Variants in PPP1R9A observed in about 807,000 individuals in gnomAD.
PPP1R9A encodes protein phosphatase 1 regulatory subunit 9A.
PPP1R9A carries 59 observed loss-of-function variants against 141.9 expected under a neutral mutation model. The ratio of observed to expected loss-of-function variants is 0.42; its 90% CI spans 0.34 to 0.52. The LOEUF is 0.52. Ranked by LOEUF, PPP1R9A falls within the 20% of genes least tolerant of loss-of-function variation. The pLI is 0.10. For synonymous variants in PPP1R9A, 500 were observed against 569.7 expected (o/e 0.88, Z 1.74); for missense variants, 1,444 against 1,611.9 (o/e 0.90, Z 1.78).
intron 2 of PPP1R9A, among the ~76,000 whole-genome samples, chr7:95,052,274 A>G (rs1316856374): frequency 6.6e-6 from 1 of 152,214 alleles, no homozygotes; most frequent in Non-Finnish European, 1.5e-5. Flanking sequence ...GTTAATTGGT[A>G]AAAAGCAAGA....
intron 2 of PPP1R9A, among the ~76,000 whole-genome samples, chr7:95,006,188 A>G (rs1803557092): frequency 6.7e-6 from 1 of 149,976 alleles, no homozygotes; most frequent in African/African-American, 2.5e-5. Flanking sequence ...TTGAGATCTT[A>G]AGAACTTATT....
At chr7:95,173,411 T>A (rs1233213647) in intron 5 of PPP1R9A, among the ~76,000 whole-genome samples, 1 of 151,930 alleles carries the variant, frequency 6.6e-6, no homozygotes, top group African/African-American at 2.4e-5. Context: ...AATCTGCATA[T>A]ATACCCTCTA....
rs1352351772 is a variant in PPP1R9A at position 95,215,664 on chromosome 7, C to A, written c.1957-10297C>A. Among the ~76,000 whole-genome samples, 7 of 152,222 alleles carry A rather than the reference C, an allele frequency of 4.6e-5. No homozygotes were observed. The South Asian group carries it at 1.4e-3, about 32-fold the overall frequency. ...TCCTGACTTTTTAATGATCGCCATT[C>A]TAACTGGCATGAGATGGTATCTCAT... is the stretch of plus-strand genomic sequence containing the variant. On this transcript the variant is annotated intron_variant, in intron 7 of 19. Transcript: ENST00000433360.
chr7:95,079,970 CA>C (rs1815536618), intron 2 of PPP1R9A, among the ~76,000 whole-genome samples: 1 of 152,170 alleles, frequency 6.6e-6, no homozygotes, highest in Non-Finnish European at 1.5e-5. Context: ...GACAAACCCA[CA>C]GCCAATATCA....
intron 2 of PPP1R9A, among the ~76,000 whole-genome samples, chr7:95,023,588 C>G (rs961393033): frequency 6.6e-6 from 1 of 151,994 alleles, no homozygotes; most frequent in African/African-American, 2.4e-5. Context: ...GAGTCTTGCT[C>G]TGTTGCCCAG....
chr7:95,235,987 C>G (rs1796624904), intron 8 of PPP1R9A, among the ~76,000 whole-genome samples: 1 of 152,064 alleles, frequency 6.6e-6, no homozygotes, highest in African/African-American at 2.4e-5. Flanking sequence ...TTTGGAGACT[C>G]AAGTGAAAAG....
chr7:95,071,365 G>A (rs531190352), intron 2 of PPP1R9A, among the ~76,000 whole-genome samples: 22 of 152,094 alleles, frequency 1.4e-4, no homozygotes, highest in African/African-American at 5.1e-4. Context: ...TTGAGGCCAT[G>A]TAATACAGAA....
rs1326463168 is a variant in PPP1R9A at position 95,291,903 on chromosome 7, GTA to G, written c.*1602_*1603del. ...GGGAACTCCCTTGTAGCCCCATCTT[GTA>G]TTTTAATAACAGTGTGATTTTTTTT... On this transcript the variant is annotated 3_prime_UTR_variant, in exon 20 of 20. Transcript: ENST00000433360. The G allele has an allele frequency of 4.6e-5, 7 of 151,444 alleles. No individual in the cohort carries two copies. Among genetic ancestry groups the G allele is most frequent in the Admixed American group, 2.0e-4 (3 of 15,204 alleles). 9.4% of individuals were successfully genotyped at this position (151,444 alleles called of 1,614,324 possible).
intron 7 of PPP1R9A, among the ~76,000 whole-genome samples, chr7:95,219,489 G>T (rs1382502674): frequency 6.6e-6 from 1 of 152,076 alleles, no homozygotes; most frequent in Admixed American, 6.6e-5. Flanking sequence ...GGCGTTCTCT[G>T]TATTTCCTGA....
At chr7:95,032,128 C>T (rs1277480814) in intron 2 of PPP1R9A, among the ~76,000 whole-genome samples, 1 of 152,012 alleles carries the variant, frequency 6.6e-6, no homozygotes, top group Non-Finnish European at 1.5e-5. Context: ...CCAGAATTTC[C>T]TGGTTTTAGG....
intron 5 of PPP1R9A, 33 bp downstream of exon 5, chr7:95,162,004 G>T: frequency 3.0e-6 from 4 of 1,328,028 alleles, no homozygotes; most frequent in Non-Finnish European, 4.2e-6. Context: ...ACACCATGTT[G>T]TTACTTTAGT....
chr7:95,139,810 T>TAAAA (rs1177269547), intron 4 of PPP1R9A, among the ~76,000 whole-genome samples: 1 of 95,336 alleles, frequency 1.0e-5, no homozygotes, highest in Non-Finnish European at 2.3e-5. Flanking sequence ...AGCAAAACAT[T>TAAAA]AAAAAAAAAA....
rs535948713 is a variant in PPP1R9A at position 94,962,610 on chromosome 7, A to G, written c.1395+51102A>G. 6.6e-5 allele frequency among the ~76,000 whole-genome samples: 10 copies of G among 152,270 alleles called. No homozygotes were observed. In the East Asian group the frequency reaches 1.2e-3, roughly 18 times the overall value. ...GGAGTTCTATTTATAAGCGTATAGT[A>G]TTCAATCAAAAAACTCATGTTGAAA... is the stretch of plus-strand genomic sequence containing the variant. On this transcript the variant is annotated intron_variant, in intron 2 of 19. Coordinates refer to ENST00000433360, the MANE Select transcript of PPP1R9A (RefSeq NM_001166160.2).
chr7:95,115,342 T>C (rs752403900), intron 3 of PPP1R9A, among the ~76,000 whole-genome samples: 5 of 152,232 alleles, frequency 3.3e-5, no homozygotes, highest in Non-Finnish European at 7.4e-5. Context: ...TTTAGTAAAA[T>C]AGACTAATTG....
chr7:94,996,987 A>T (rs980448401), intron 2 of PPP1R9A, among the ~76,000 whole-genome samples: 1 of 151,936 alleles, frequency 6.6e-6, no homozygotes, highest in African/African-American at 2.4e-5. Flanking sequence ...TATTTGGTAG[A>T]GACACGGGGT....
chr7:95,181,401 T>TGGA (rs1563370076), intron 5 of PPP1R9A, among the ~76,000 whole-genome samples: 8 of 136,558 alleles, frequency 5.9e-5, no homozygotes, highest in African/African-American at 2.2e-4. Flanking sequence ...AGAATATATA[T>TGGA]ATTCCATCAT....
At chr7:95,121,921 C>T (rs1463127863) in intron 4 of PPP1R9A, among the ~76,000 whole-genome samples, 2 of 152,088 alleles carry the variant, frequency 1.3e-5, no homozygotes, top group African/African-American at 2.4e-5. Flanking sequence ...CGTTAAGGAT[C>T]GTTTTCAACA....
chr7:95,042,550 C>A (rs1363045187), intron 2 of PPP1R9A, among the ~76,000 whole-genome samples: 1 of 152,210 alleles, frequency 6.6e-6, no homozygotes, highest in Non-Finnish European at 1.5e-5. Context: ...GAAAAATAAA[C>A]CATACACGTG....
chr7:95,051,374 T>C (rs1338521590), intron 2 of PPP1R9A, among the ~76,000 whole-genome samples: 1 of 152,178 alleles, frequency 6.6e-6, no homozygotes, highest in Non-Finnish European at 1.5e-5. Context: ...CTGTCTTGAT[T>C]ACTGTAGTTT....
Sources: allele counts gnomAD v4.1 joint callset (sites outside exome capture counted in the v4.1 genomes callset), GRCh38; gene constraint gnomAD v4.1.1; transcripts MANE v1.5; gene names NCBI Gene and HGNC (gene_info 2026-07-23, HGNC 2026-07-21).